SH3RF1: variants seen among roughly 807,000 people sequenced by gnomAD.
SH3RF1 encodes the protein E3 ubiquitin-protein ligase SH3RF1.
SH3RF1 carries 32 observed loss-of-function variants against 74.0 expected under a neutral mutation model. The observed-to-expected ratio is 0.43, with a 90% CI of 0.33 to 0.58. The LOEUF (loss-of-function observed/expected upper bound fraction) is 0.58. Among genes scored for constraint, SH3RF1 ranks in the 20% least tolerant of loss-of-function variants. SH3RF1 has a pLI of 0.05. For synonymous variants in SH3RF1, 396 were observed against 439.6 expected (o/e 0.90, Z 1.24); for missense variants, 954 against 1,130.9 (o/e 0.84, Z 2.24).
intron 2 of SH3RF1, among the ~76,000 whole-genome samples, chr4:169,168,780 T>C (rs1052993018): frequency 2.0e-5 from 3 of 152,254 alleles, no homozygotes; most frequent in African/African-American, 7.2e-5. Context: ...TAGTAATCTA[T>C]GATTTCTTTG....
At chr4:169,129,492 C>G (rs1733578124) in intron 6 of SH3RF1, among the ~76,000 whole-genome samples, 1 of 152,182 alleles carries the variant, frequency 6.6e-6, no homozygotes, top group South Asian at 2.1e-4. Context: ...TAGACTCTAT[C>G]TGTAGGATGT....
At chr4:169,118,616 C>T (rs35023354) in intron 8 of SH3RF1, among the ~76,000 whole-genome samples, 5,598 of 151,832 alleles carry the variant, frequency 0.037, 118 homozygotes, top group African/African-American at 0.053. Context: ...CCACCATGCC[C>T]GGCTACTTTT....
At chr4:169,188,651 A>G (rs372130096) in intron 2 of SH3RF1, among the ~76,000 whole-genome samples, 7 of 152,236 alleles carry the variant, frequency 4.6e-5, no homozygotes, top group African/African-American at 1.2e-4. Context: ...GCCCACATGT[A>G]AAAACATCGA....
intron 2 of SH3RF1, among the ~76,000 whole-genome samples, chr4:169,184,071 T>C (rs1337651090): frequency 6.6e-6 from 1 of 152,146 alleles, no homozygotes; most frequent in Non-Finnish European, 1.5e-5. Context: ...CAAACAATCT[T>C]TGAGGACTAA....
intron 2 of SH3RF1, among the ~76,000 whole-genome samples, chr4:169,258,285 C>A (rs1305242352): frequency 6.6e-6 from 1 of 152,180 alleles, no homozygotes; most frequent in Non-Finnish European, 1.5e-5. Flanking sequence ...AGACCCAGTA[C>A]TTTTCTGCTG....
chr4:169,151,468 G>T (rs913693044), intron 4 of SH3RF1, among the ~76,000 whole-genome samples: 21 of 152,254 alleles, frequency 1.4e-4, no homozygotes, highest in African/African-American at 4.8e-4. Context: ...GTCAAGATTG[G>T]AATCCTGGCC....
chr4:169,126,811 G>A (rs112998703), intron 6 of SH3RF1, among the ~76,000 whole-genome samples: 6 of 151,878 alleles, frequency 4.0e-5, no homozygotes, highest in African/African-American at 1.4e-4. Context: ...TGCTGGTCTC[G>A]AACTCCTGGC....
intron 11 of SH3RF1, among the ~76,000 whole-genome samples, chr4:169,106,080 G>GTA (rs957999574): frequency 1.3e-5 from 2 of 151,246 alleles, no homozygotes; most frequent in African/African-American, 4.9e-5. Flanking sequence ...TTTTTTAACA[G>GTA]TATATATGTG....
At chr4:169,268,540 T>C (rs377264772) in intron 2 of SH3RF1, among the ~76,000 whole-genome samples, 1 of 152,196 alleles carries the variant, frequency 6.6e-6, no homozygotes. Context: ...CAAAAGCTGG[T>C]TTAGATTTCA....
chr4:169,193,604 T>C (rs1579129999), intron 2 of SH3RF1, among the ~76,000 whole-genome samples: 2 of 152,190 alleles, frequency 1.3e-5, no homozygotes, highest in Admixed American at 6.5e-5. Flanking sequence ...TTACTAAGGA[T>C]GCTACGGCTT....
chr4:169,114,471 C>G (rs1051194300), intron 10 of SH3RF1, among the ~76,000 whole-genome samples: 4 of 152,162 alleles, frequency 2.6e-5, no homozygotes, highest in Non-Finnish European at 4.4e-5. Context: ...AATGAAACAT[C>G]TTTAAAAGTT....
At chr4:169,234,316 C>T (rs1730793088) in intron 2 of SH3RF1, among the ~76,000 whole-genome samples, 1 of 151,832 alleles carries the variant, frequency 6.6e-6, no homozygotes. Flanking sequence ...AAACACCCTC[C>T]CCACCCCCCA....
intron 2 of SH3RF1, among the ~76,000 whole-genome samples, chr4:169,233,483 T>C (rs1269570897): frequency 6.6e-6 from 1 of 152,220 alleles, no homozygotes; most frequent in East Asian, 1.9e-4. Flanking sequence ...CTAATGTTTA[T>C]TGAAGGCTTA....
chr4:169,255,614 TACACACATAC>T (rs1731175240), intron 2 of SH3RF1, among the ~76,000 whole-genome samples: 3 of 59,078 alleles, frequency 5.1e-5, no homozygotes, highest in Admixed American at 1.9e-4. Context: ...CACACATACA[TACACACATAC>T]ACACACACAC....
chr4:169,178,848 C>G (rs184202237), intron 2 of SH3RF1, among the ~76,000 whole-genome samples: 1 of 152,168 alleles, frequency 6.6e-6, no homozygotes, highest in Non-Finnish European at 1.5e-5. Context: ...ATGGGTTGTA[C>G]TCTTGAAAAT....
At position 169,180,043 on chromosome 4, in the gene SH3RF1, C is replaced by T. The variant is rs190405394; in HGVS notation, c.394-23364G>A. Among the ~76,000 whole-genome samples, 6 of 152,242 alleles carry T rather than the reference C, an allele frequency of 3.9e-5. No individual in the cohort carries two copies. The East Asian group carries it at 1.2e-3, about 29-fold the overall frequency. On this transcript the variant is annotated intron_variant, in intron 2 of 11. Transcript: ENST00000284637. ...AACCTGCATAAACTTTGGCCACATC[C>T]ACTGCATGGGGACGTAAGCAGAAAC...
intron 11 of SH3RF1, among the ~76,000 whole-genome samples, chr4:169,096,937 GACA>G (rs1732941332): frequency 6.6e-6 from 1 of 152,174 alleles, no homozygotes; most frequent in African/African-American, 2.4e-5. Context: ...CCTTAACAAG[GACA>G]GCCATCCTTG....
intron 2 of SH3RF1, among the ~76,000 whole-genome samples, chr4:169,212,453 C>G (rs199805065): frequency 6.6e-6 from 1 of 152,140 alleles, no homozygotes; most frequent in African/African-American, 2.4e-5. Context: ...GAGAATGACA[C>G]AATAATCCCA....
At chr4:169,131,377 C>A (rs1383572126) in intron 5 of SH3RF1, among the ~76,000 whole-genome samples, 1 of 152,052 alleles carries the variant, frequency 6.6e-6, no homozygotes, top group South Asian at 2.1e-4. Flanking sequence ...TTTTCTTCTT[C>A]TCCTCATTAT....
Sources: gnomAD v4.1 joint callset for allele counts (sites outside exome capture counted in the v4.1 genomes callset) on GRCh38, gnomAD v4.1.1 for gene constraint, MANE v1.5 for transcripts, NCBI Gene and HGNC (gene_info 2026-07-23, HGNC 2026-07-21) for gene names.